The following AGBL1 variants were observed in gnomAD, a reference collection of about 807,000 sequenced individuals.
The protein encoded by AGBL1 is cytosolic carboxypeptidase 4.
In AGBL1, 130 loss-of-function variants were observed where a neutral mutation model predicts 118.9. That is an observed-to-expected ratio of 1.09 (90% CI 0.95 to 1.26). The LOEUF is 1.26. Ranked by LOEUF, AGBL1 falls within the 50% of genes most tolerant of loss-of-function variation. The probability of loss-of-function intolerance (pLI) is 0.00; values close to 1 mark genes in which losing one functional copy is unlikely to be tolerated. For synonymous variants in AGBL1, 555 were observed against 478.9 expected (o/e 1.16, Z -2.08); for missense variants, 1,584 against 1,298.1 (o/e 1.22, Z -3.38).
At chr15:86,254,289 C>G (rs1021289842) in intron 7 of AGBL1, among the ~76,000 whole-genome samples, 1 of 152,196 alleles carries the variant, frequency 6.6e-6, no homozygotes, top group African/African-American at 2.4e-5. Context: ...TTAATTCACA[C>G]ACAACATTAG....
At chr15:86,227,321 G>T (rs1178070720) in intron 6 of AGBL1, among the ~76,000 whole-genome samples, 2 of 152,214 alleles carry the variant, frequency 1.3e-5, no homozygotes, top group Non-Finnish European at 2.9e-5. Flanking sequence ...TACATCTTTG[G>T]TGTTAATTAT....
At chr15:86,534,112 T>TAAAAAA (rs61563504) in intron 19 of AGBL1, among the ~76,000 whole-genome samples, 44 of 95,770 alleles carry the variant, frequency 4.6e-4, no homozygotes, top group East Asian at 1.0e-3. Context: ...TAAAGTATAA[T>TAAAAAA]AAAAAAAAAA....
intron 5 of AGBL1, among the ~76,000 whole-genome samples, chr15:86,179,640 GA>G (rs141819760): frequency 0.031 from 4,683 of 151,686 alleles, 218 homozygotes; most frequent in African/African-American, 0.11. Context: ...AGTAAGATCA[GA>G]AAAAAAACTA....
chr15:86,340,482 T>A (rs1337487614), intron 17 of AGBL1, among the ~76,000 whole-genome samples: 1 of 152,106 alleles, frequency 6.6e-6, no homozygotes, highest in Non-Finnish European at 1.5e-5. Context: ...GAAGGACATG[T>A]GAATGCAGAG....
intron 21 of AGBL1, among the ~76,000 whole-genome samples, chr15:86,590,386 A>G (rs548078415): frequency 3.3e-5 from 5 of 152,024 alleles, no homozygotes; most frequent in African/African-American, 4.8e-5. Flanking sequence ...ATGGTTTTAT[A>G]TGGGGGCTTT....
At chr15:86,728,061 A>G (rs1309070300) in intron 22 of AGBL1, among the ~76,000 whole-genome samples, 1 of 152,194 alleles carries the variant, frequency 6.6e-6, no homozygotes, top group Non-Finnish European at 1.5e-5. Flanking sequence ...TGTACAATGA[A>G]CCTATACAAA....
chr15:86,492,596 GA>G (rs998900235), intron 18 of AGBL1, among the ~76,000 whole-genome samples: 2,061 of 71,014 alleles, frequency 0.029, 39 homozygotes, highest in African/African-American at 0.084. Context: ...TCAAAAAAAA[GA>G]AAAAAAAAAA....
At chr15:86,182,826 C>T (rs1310841398) in intron 5 of AGBL1, among the ~76,000 whole-genome samples, 1 of 151,906 alleles carries the variant, frequency 6.6e-6, no homozygotes, top group African/African-American at 2.4e-5. Context: ...AAAAGGAAAC[C>T]CTAGTAGTAC....
At chr15:86,700,628 A>T (rs1271971942) in intron 22 of AGBL1, among the ~76,000 whole-genome samples, 7 of 152,086 alleles carry the variant, frequency 4.6e-5, no homozygotes, top group Non-Finnish European at 1.0e-4. Context: ...CAAAACTTGC[A>T]ATTTTCAGCT....
rs568554169 is a variant in AGBL1 at position 86,570,808 on chromosome 15, T to A, written c.2994+16271T>A. ...CTGGAAACCTCTGTGGCTGGAGGCATCTTTGCCCAAGTTTTGCTTGGGCCC... is the reference window on the plus strand; with the variant it reads ...CTGGAAACCTCTGTGGCTGGAGGCAACTTTGCCCAAGTTTTGCTTGGGCCC... On this transcript the variant is annotated intron_variant, in intron 21 of 22. Transcript: ENST00000614907. 3.3e-5 allele frequency among the ~76,000 whole-genome samples: 5 copies of A among 152,268 alleles called. No individual in the cohort carries two copies. In the East Asian group the frequency reaches 9.7e-4, roughly 29 times the overall value.
rs180730554 is a variant in AGBL1 at position 86,383,490 on chromosome 15, G to A, written c.2375-13876G>A. ...TAATCCCAGCTACTCGGGAGGCTGAGGCAGGAGAATCTCTTGCATCTGGGA... is the reference window on the plus strand; with the variant it reads ...TAATCCCAGCTACTCGGGAGGCTGAAGCAGGAGAATCTCTTGCATCTGGGA... On this transcript the variant is annotated intron_variant, in intron 17 of 22. Transcript: ENST00000614907. 2.5e-3 allele frequency among the ~76,000 whole-genome samples: 384 copies of A among 152,206 alleles called. 2 individuals are homozygous for A. Among genetic ancestry groups the A allele is most frequent in the African/African-American group, 8.8e-3 (366 of 41,542 alleles).
intron 21 of AGBL1, among the ~76,000 whole-genome samples, chr15:86,604,489 A>G (rs1001044026): frequency 6.6e-6 from 1 of 152,204 alleles, no homozygotes; most frequent in African/African-American, 2.4e-5. Context: ...GAGGCCAGGC[A>G]ATATTTACTC....
intron 18 of AGBL1, among the ~76,000 whole-genome samples, chr15:86,489,342 C>G (rs1232406387): frequency 6.6e-6 from 1 of 152,142 alleles, no homozygotes; most frequent in Non-Finnish European, 1.5e-5. Flanking sequence ...CTGTTTGGAT[C>G]TGCTTGCGCT....
At chr15:86,920,037 T>C (rs11073683), downstream of AGBL1, among the ~76,000 whole-genome samples, 122,027 of 152,152 alleles carry the variant, frequency 0.8, 49,092 homozygotes, top group African/African-American at 0.83. Context: ...GAACATTATC[T>C]ATTTACTGTC....
intron 22 of AGBL1, among the ~76,000 whole-genome samples, chr15:86,713,480 T>C (rs1274556049): frequency 2.0e-5 from 3 of 152,162 alleles, no homozygotes; most frequent in East Asian, 1.9e-4. Context: ...GACTGCATGG[T>C]TGTTACAATT....
intron 18 of AGBL1, among the ~76,000 whole-genome samples, chr15:86,475,808 T>A (rs1451160280): frequency 6.6e-6 from 1 of 152,138 alleles, no homozygotes; most frequent in Non-Finnish European, 1.5e-5. Flanking sequence ...GAAAAAATGT[T>A]AAGGGCAGCC....
At chr15:86,777,160 A>G (rs180673050) in intron 22 of AGBL1, among the ~76,000 whole-genome samples, 126 of 152,178 alleles carry the variant, frequency 8.3e-4, no homozygotes, top group African/African-American at 2.9e-3. Context: ...ATAAAAACCT[A>G]CTTCCATTAT....
At chr15:86,754,245 G>A (rs1430572951) in intron 22 of AGBL1, among the ~76,000 whole-genome samples, 1 of 152,080 alleles carries the variant, frequency 6.6e-6, no homozygotes, top group Non-Finnish European at 1.5e-5. Context: ...TGGAAGCATA[G>A]CCTTAATTAG....
Position 86,799,567 on chromosome 15 carries a change from G to A in AGBL1, c.3159-107520G>A, listed in dbSNP as rs139796339. Among the ~76,000 whole-genome samples the A allele has an allele frequency of 6.1e-3, 933 of 152,080 alleles. 14 individuals carry two copies. Among genetic ancestry groups the A allele is most frequent in the African/African-American group, 0.022 (897 of 41,508 alleles). ...GAGTAGCTCATCTTATTTAAAAAAT[G>A]GCATCTGATATTGTGACGGAATTAT... On this transcript the variant is annotated intron_variant, in intron 22 of 22. Coordinates refer to ENST00000614907, the MANE Select transcript of AGBL1 (RefSeq NM_001386094.1).
Sources: gnomAD v4.1 joint callset for allele counts (sites outside exome capture counted in the v4.1 genomes callset) on GRCh38, gnomAD v4.1.1 for gene constraint, MANE v1.5 for transcripts, NCBI Gene and HGNC (gene_info 2026-07-23, HGNC 2026-07-21) for gene names.